The following ZDHHC2 variants were observed in gnomAD, a reference collection of about 807,000 sequenced individuals.
ZDHHC2 encodes palmitoyltransferase ZDHHC2.
Under a neutral mutation model 55.6 loss-of-function variants are expected in ZDHHC2, and 51 were observed. The observed-to-expected ratio is 0.92, with a 90% confidence interval of 0.73 to 1.16. ZDHHC2 has a LOEUF of 1.16. Ranked by LOEUF, ZDHHC2 falls within the 50% of genes most tolerant of loss-of-function variation. ZDHHC2 has a pLI of 0.00. For synonymous variants in ZDHHC2, 199 were observed against 152.9 expected (o/e 1.30, Z -2.22); for missense variants, 491 against 442.4 (o/e 1.11, Z -0.99).
In ZDHHC2 at chr8:17,222,199, A is replaced by G. The variant is rs966149945; in HGVS notation, c.*1978A>G. On this transcript the variant is annotated 3_prime_UTR_variant, in exon 13 of 13. Coordinates refer to ENST00000262096, the MANE Select transcript of ZDHHC2 (RefSeq NM_016353.5). ...TAGAATCAGATTTGAAAAAGTTAAA[A>G]CAATTTCATTGTTGTAATTGTTCCC... 1.3e-5 allele frequency: 2 copies of G among 151,716 alleles called. No individual in the cohort carries two copies. The highest frequency in any genetic ancestry group is 4.8e-5 in the African/African-American group (2 of 41,386). The allele number at this position is 151,716 out of a possible 1,614,324, so 9.4% of individuals were successfully genotyped here. A position where few individuals can be genotyped will look rare whatever the true frequency, so the allele number is the denominator to read the frequency against.
intron 1 of ZDHHC2, among the ~76,000 whole-genome samples, chr8:17,176,671 T>C (rs1805148946): frequency 6.6e-6 from 1 of 151,902 alleles, no homozygotes; most frequent in African/African-American, 2.4e-5. Flanking sequence ...CAAGGGAGGG[T>C]ACAATGTTAG....
At position 17,199,562 on chromosome 8, in the gene ZDHHC2, T is replaced by TTCGTCTTCTGTCTTCTGTCTTCG. The variant is rs1418061759; in HGVS notation, c.476+1151_476+1152insGTCTTCTGTCTTCTGTCTTCGTC. Among the ~76,000 whole-genome samples the TTCGTCTTCTGTCTTCTGTCTTCG allele has an allele frequency of 2.6e-4, 21 of 80,674 alleles. 1 individual carries two copies. Among genetic ancestry groups the TTCGTCTTCTGTCTTCTGTCTTCG allele is most frequent in the African/African-American group, 5.7e-4 (18 of 31,506 alleles). The allele number at this position is 80,674 out of a possible 152,430, so 52.9% of individuals were successfully genotyped here. Reference sequence around the variant, plus strand: ...TTCGTCTTCTGTCTTCGTCTTCGTCTTCTTCGTCTTTGTCTTCTTCTTCTT... The same window carrying TTCGTCTTCTGTCTTCTGTCTTCG: ...TTCGTCTTCTGTCTTCGTCTTCGTCTTCGTCTTCTGTCTTCTGTCTTCGTCTTCGTCTTTGTCTTCTTCTTCTT... On this transcript the variant is annotated intron_variant, in intron 6 of 12. Coordinates refer to ENST00000262096, the MANE Select transcript of ZDHHC2 (RefSeq NM_016353.5).
At chr8:17,205,843 G>C in intron 7 of ZDHHC2, 68 bp downstream of exon 7, 3 of 1,443,430 alleles carry the variant, frequency 2.1e-6, no homozygotes, top group Non-Finnish European at 2.8e-6. Context: ...TTTCAGAACA[G>C]AATTATTTCC....
chr8:17,188,834 G>C (rs1377188414), intron 3 of ZDHHC2, among the ~76,000 whole-genome samples: 1 of 152,106 alleles, frequency 6.6e-6, no homozygotes. Context: ...TAATTCCCCA[G>C]TTCTTCTAGT....
chr8:17,184,859 G>C (rs1943512922), intron 2 of ZDHHC2, 44 bp downstream of exon 2: 4 of 1,470,492 alleles, frequency 2.7e-6, no homozygotes, highest in Admixed American at 2.5e-5. Flanking sequence ...TAAATAGTTT[G>C]AAAAAAAATT....
At chr8:17,176,396 G>C (rs1283050719) in intron 1 of ZDHHC2, among the ~76,000 whole-genome samples, 1 of 152,012 alleles carries the variant, frequency 6.6e-6, no homozygotes, top group East Asian at 1.9e-4. Context: ...AGCAGTTCCT[G>C]CTTATTTACT....
At chr8:17,210,702 GTGTTAA>G (rs1940919682) in intron 10 of ZDHHC2, among the ~76,000 whole-genome samples, 1 of 152,012 alleles carries the variant, frequency 6.6e-6, no homozygotes, top group Non-Finnish European at 1.5e-5. Context: ...GAGTAAAAAG[GTGTTAA>G]TTGTCTATAC....
chr8:17,161,385 G>A (rs1804335858), intron 1 of ZDHHC2, among the ~76,000 whole-genome samples: 1 of 152,192 alleles, frequency 6.6e-6, no homozygotes, highest in Admixed American at 6.5e-5. Context: ...AAAAAGAACA[G>A]GCAGTAGATC....
At chr8:17,215,119 T>G in intron 10 of ZDHHC2, 118 bp from the exon 11 acceptor site, 1 of 777,400 alleles carries the variant, frequency 1.3e-6, no homozygotes, top group East Asian at 2.7e-5. Flanking sequence ...TTATTTTGGG[T>G]ACCTCCTGCA....
At chr8:17,209,523 T>G (rs1807268563) in intron 8 of ZDHHC2, among the ~76,000 whole-genome samples, 1 of 152,096 alleles carries the variant, frequency 6.6e-6, no homozygotes, top group South Asian at 2.1e-4. Context: ...AAACAAAGGT[T>G]GTAGAATGTA....
chr8:17,184,262 G>T (rs1026712954), intron 1 of ZDHHC2, among the ~76,000 whole-genome samples: 2 of 152,186 alleles, frequency 1.3e-5, no homozygotes, highest in African/African-American at 4.8e-5. Flanking sequence ...TCCCAGCACT[G>T]CCTGGCCTTT....
Position 17,156,594 on chromosome 8 carries a change from G to T in ZDHHC2, c.-130G>T. The T allele has an allele frequency of 1.6e-6, 1 of 630,586 alleles. No homozygotes were observed. The highest frequency in any genetic ancestry group is 2.0e-6 in the Non-Finnish European group (1 of 499,988). 39.1% of individuals were successfully genotyped at this position (630,586 alleles called of 1,614,324 possible). A position where few individuals can be genotyped will look rare whatever the true frequency, so the allele number is the denominator to read the frequency against. On this transcript the variant is annotated 5_prime_UTR_variant, in exon 1 of 13. Transcript: ENST00000262096. ...GATGGGGAGTTAGCGCCACGGCGGC[G>T]GCAGTGGCCGCAGCGCACCCCGCCG...
At chr8:17,177,295 A>G (rs1400260169) in intron 1 of ZDHHC2, among the ~76,000 whole-genome samples, 1 of 152,046 alleles carries the variant, frequency 6.6e-6, no homozygotes, top group Non-Finnish European at 1.5e-5. Context: ...AGGTAAAAGG[A>G]GGTTGGGGGT....
rs1297662337 is a variant in ZDHHC2, at chr8:17,199,509, T to TTCTTCTTCTTCTTCTTCG, written c.476+1101_476+1102insTTCTTCTTCTTCGTCTTC. ...CTTCTTCTTCTTCTTCTTCTTCTTC[T>TTCTTCTTCTTCTTCTTCG]TCTTCGTCTTCGTCTTCGTCTTCTG... On this transcript the variant is annotated intron_variant, in intron 6 of 12. Coordinates refer to ENST00000262096, the MANE Select transcript of ZDHHC2 (RefSeq NM_016353.5). Among the ~76,000 whole-genome samples, 168 of 121,138 alleles carry TTCTTCTTCTTCTTCTTCG rather than the reference T, an allele frequency of 1.4e-3. 1 individual carries two copies. The highest frequency in any genetic ancestry group is 4.1e-3 in the Middle Eastern group (1 of 242). The allele number at this position is 121,138 out of a possible 152,430, so 79.5% of individuals were successfully genotyped here. A position where few individuals can be genotyped will look rare whatever the true frequency, so the allele number is the denominator to read the frequency against.
chr8:17,210,273 A>G, intron 9 of ZDHHC2, 115 bp from the exon 10 acceptor site: 1 of 1,139,970 alleles, frequency 8.8e-7, no homozygotes, highest in South Asian at 1.6e-5. Flanking sequence ...TGTCTAATAC[A>G]CATTTTTTTT....
chr8:17,208,411 A>G (rs962067070), intron 8 of ZDHHC2, among the ~76,000 whole-genome samples: 1 of 151,796 alleles, frequency 6.6e-6, no homozygotes, highest in South Asian at 2.1e-4. Context: ...GGCACTAGGA[A>G]TATTTTAGAA....
At chr8:17,199,648 TCCTC>T (rs1244018089) in intron 6 of ZDHHC2, among the ~76,000 whole-genome samples, 2 of 100,614 alleles carry the variant, frequency 2.0e-5, no homozygotes, top group African/African-American at 5.8e-5. Context: ...CTCCTCCTCC[TCCTC>T]CCTCCTCCCT....
chr8:17,166,878 T>G (rs1445206820), intron 1 of ZDHHC2, among the ~76,000 whole-genome samples: 1 of 152,260 alleles, frequency 6.6e-6, no homozygotes, highest in African/African-American at 2.4e-5. Context: ...CTGATGACTT[T>G]CAATGTAATT....
intron 1 of ZDHHC2, among the ~76,000 whole-genome samples, chr8:17,162,314 C>T (rs1804388318): frequency 6.6e-6 from 1 of 152,194 alleles, no homozygotes; most frequent in African/African-American, 2.4e-5. Context: ...TAGTCTTATT[C>T]AATTGTATAA....
Sources: gnomAD v4.1 joint callset for allele counts (sites outside exome capture counted in the v4.1 genomes callset) on GRCh38, gnomAD v4.1.1 for gene constraint, MANE v1.5 for transcripts, NCBI Gene and HGNC (gene_info 2026-07-23, HGNC 2026-07-21) for gene names.